Variants in KAZN observed in about 807,000 individuals in gnomAD.
KAZN encodes kazrin, periplakin interacting protein.
Under a neutral mutation model 87.4 loss-of-function variants are expected in KAZN, and 40 were observed. That is an observed-to-expected ratio of 0.46 (90% CI 0.36 to 0.60). The LOEUF is 0.60. Among genes scored for constraint, KAZN ranks in the 20% least tolerant of loss-of-function variants. The probability of loss-of-function intolerance (pLI) is 0.00; values close to 1 mark genes in which losing one functional copy is unlikely to be tolerated. For synonymous variants in KAZN, 466 were observed against 458.3 expected (o/e 1.02, Z -0.22); for missense variants, 898 against 1,073.9 (o/e 0.84, Z 2.29).
chr1:14,592,584 G>C (rs1460602606), intron 2 of KAZN, among the ~76,000 whole-genome samples: 1 of 152,166 alleles, frequency 6.6e-6, no homozygotes, highest in African/African-American at 2.4e-5. Context: ...CTTCATCTTC[G>C]CTTCGGGAAA....
intron 8 of KAZN, among the ~76,000 whole-genome samples, chr1:15,085,329 A>G (rs1309925840): frequency 6.6e-6 from 1 of 152,060 alleles, no homozygotes; most frequent in African/African-American, 2.4e-5. Flanking sequence ...CTCTGCCATT[A>G]TTATTTTGTT....
intron 2 of KAZN, among the ~76,000 whole-genome samples, chr1:14,521,060 C>A (rs1571853875): frequency 6.6e-6 from 1 of 152,190 alleles, no homozygotes; most frequent in Non-Finnish European, 1.5e-5. Context: ...CTTGGAAGAG[C>A]CAATAGACAA....
In KAZN at chr1:14,599,745, T is replaced by A. The variant is rs953630664; in HGVS notation, c.226+522T>A. 6.6e-6 allele frequency among the ~76,000 whole-genome samples: 1 copy of A among 152,200 alleles called. No individual in the cohort carries two copies. The highest frequency in any genetic ancestry group is 1.5e-5 in the Non-Finnish European group (1 of 68,046). On this transcript the variant is annotated intron_variant, in intron 1 of 14. Coordinates refer to ENST00000376030, the MANE Select transcript of KAZN (RefSeq NM_201628.3). This position sits in a 1 kb window ranked among gnomAD's most constrained non-coding sequence, Gnocchi z 4.4. ...GCATCTGGACTTTATTTTCTTCTCA[T>A]TTGAGGTCTCTCAGGCATTGGAATC... is the stretch of plus-strand genomic sequence containing the variant.
chr1:14,710,990 C>A (rs1204721702), intron 1 of KAZN, among the ~76,000 whole-genome samples: 1 of 152,036 alleles, frequency 6.6e-6, no homozygotes, highest in Admixed American at 6.5e-5. Flanking sequence ...TCAAGACCAG[C>A]CTGGGCAACA....
At chr1:14,082,176 T>C (rs1275139151) in intron 1 of KAZN, among the ~76,000 whole-genome samples, 1 of 152,190 alleles carries the variant, frequency 6.6e-6, no homozygotes, top group African/African-American at 2.4e-5. Context: ...TTCAATAATA[T>C]GAATGTATTT....
intron 2 of KAZN, among the ~76,000 whole-genome samples, chr1:14,493,333 C>T (rs1051268615): frequency 1.3e-5 from 2 of 152,200 alleles, no homozygotes; most frequent in African/African-American, 4.8e-5. Flanking sequence ...GAAAGCAACA[C>T]CTGGTGTGGG....
At chr1:15,111,321 T>A (rs1488060927) in intron 13 of KAZN, among the ~76,000 whole-genome samples, 2 of 151,928 alleles carry the variant, frequency 1.3e-5, no homozygotes, top group Non-Finnish European at 2.9e-5. Flanking sequence ...TGTGCTGGAG[T>A]GCAGTGGTAC....
intron 1 of KAZN, among the ~76,000 whole-genome samples, chr1:14,714,797 G>GTTTTTTTTTTTTTTTTTT (rs537512664): frequency 8.3e-6 from 1 of 120,550 alleles, no homozygotes; most frequent in Non-Finnish European, 1.7e-5. Flanking sequence ...TTTTTTTTTT[G>GTTTTTTTTTTTTTTTTTT]TTTTTTTTTT....
At chr1:14,290,316 A>G (rs1653582067) in intron 2 of KAZN, among the ~76,000 whole-genome samples, 1 of 152,226 alleles carries the variant, frequency 6.6e-6, no homozygotes, top group East Asian at 1.9e-4. Context: ...AGGTACACCA[A>G]TCAAACACAG....
chr1:14,916,933 T>C (rs904635725), intron 1 of KAZN, among the ~76,000 whole-genome samples: 8 of 151,654 alleles, frequency 5.3e-5, no homozygotes, highest in African/African-American at 1.7e-4. Flanking sequence ...AAAATTTAAC[T>C]TGGGGCTCGT....
chr1:14,051,552 C>T (rs1253526033), intron 1 of KAZN, among the ~76,000 whole-genome samples: 1 of 152,214 alleles, frequency 6.6e-6, no homozygotes, highest in Non-Finnish European at 1.5e-5. Context: ...AGAAGTCTGA[C>T]TAAGAATGGC....
intron 2 of KAZN, among the ~76,000 whole-genome samples, chr1:14,464,532 C>CTT (rs375737532): frequency 0.012 from 1,828 of 148,786 alleles, 46 homozygotes; most frequent in African/African-American, 0.043. Context: ...TAAATAATTT[C>CTT]TTTTTTTTTT....
At chr1:13,941,395 GGTCCTCA>G (rs77023980) in intron 1 of KAZN, among the ~76,000 whole-genome samples, 14,563 of 152,136 alleles carry the variant, frequency 0.096, 849 homozygotes, top group South Asian at 0.21. Context: ...GGAAGCCTGT[GGTCCTCA>G]GTCCTCAGCT....
intron 2 of KAZN, among the ~76,000 whole-genome samples, chr1:14,277,760 T>G (rs915841882): frequency 1.3e-5 from 2 of 152,096 alleles, no homozygotes; most frequent in African/African-American, 4.8e-5. Context: ...CAGTTTTCTT[T>G]CATGTCCCCT....
chr1:14,694,483 T>C (rs1284088627), intron 1 of KAZN, among the ~76,000 whole-genome samples: 1 of 152,384 alleles, frequency 6.6e-6, no homozygotes, highest in East Asian at 1.9e-4. Context: ...CATTCATTTA[T>C]TCATTCATCA....
intron 1 of KAZN, among the ~76,000 whole-genome samples, chr1:14,613,479 A>C (rs1174259673): frequency 6.6e-6 from 1 of 152,304 alleles, no homozygotes; most frequent in East Asian, 1.9e-4. Context: ...ATTCCCACTG[A>C]ATAGTGATTC....
rs998127736 is a variant in KAZN at position 14,091,697 on chromosome 1, G to A, written c.92-88738G>A. Among the ~76,000 whole-genome samples, 5 of 152,170 alleles carry A rather than the reference G, an allele frequency of 3.3e-5. No individual in the cohort carries two copies. In the South Asian group the frequency reaches 6.2e-4, roughly 19 times the overall value. ...ATTCATAACTTTTGGGGGCCTATGGGTTTGTTAAATCTATGGACCCCCTCC... is the reference window on the plus strand; with the variant it reads ...ATTCATAACTTTTGGGGGCCTATGGATTTGTTAAATCTATGGACCCCCTCC... On this transcript the variant is annotated intron_variant, in intron 1 of 16. Coordinates refer to the KAZN transcript ENST00000636203.
intron 1 of KAZN, among the ~76,000 whole-genome samples, chr1:14,909,483 G>A (rs1278435821): frequency 1.3e-5 from 2 of 152,172 alleles, no homozygotes. Flanking sequence ...CATCTTGGCT[G>A]TGTGCCTGAG....
chr1:14,947,895 G>A (rs1662018748), intron 1 of KAZN, among the ~76,000 whole-genome samples: 1 of 152,226 alleles, frequency 6.6e-6, no homozygotes, highest in African/African-American at 2.4e-5. Flanking sequence ...GACTGATATG[G>A]GCAGGAAAAG....
Sources: allele counts gnomAD v4.1 joint callset (sites outside exome capture counted in the v4.1 genomes callset), GRCh38; gene constraint gnomAD v4.1.1; non-coding constraint Gnocchi (gnomAD v3.1); transcripts MANE v1.5; gene names NCBI Gene and HGNC (gene_info 2026-07-23, HGNC 2026-07-21).